The following SEMA5A variants were observed in gnomAD, a reference collection of about 807,000 sequenced individuals.
SEMA5A encodes the protein semaphorin-5A.
A neutral mutation model predicts 135.5 loss-of-function variants in SEMA5A; 55 were observed. That is an observed-to-expected ratio of 0.41 (90% confidence interval 0.33 to 0.51). SEMA5A has a LOEUF of 0.51. Among genes scored for constraint, SEMA5A ranks in the 20% least tolerant of loss-of-function variants. SEMA5A has a pLI of 0.37. For synonymous variants in SEMA5A, 580 were observed against 546.5 expected (o/e 1.06, Z -0.85); for missense variants, 1,290 against 1,419.9 (o/e 0.91, Z 1.47).
chr5:9,071,193 G>C (rs1425090083), intron 16 of SEMA5A, among the ~76,000 whole-genome samples: 1 of 152,118 alleles, frequency 6.6e-6, no homozygotes, highest in Non-Finnish European at 1.5e-5. Flanking sequence ...AGTGATAAAA[G>C]CACTCATTTA....
At chr5:9,350,830 T>C (rs1401332789) in intron 3 of SEMA5A, among the ~76,000 whole-genome samples, 1 of 152,232 alleles carries the variant, frequency 6.6e-6, no homozygotes, top group Non-Finnish European at 1.5e-5. Context: ...ATGCCTTTTA[T>C]GGGTGCTAAC....
At chr5:9,543,871 T>C (rs1299272915) in intron 1 of SEMA5A, among the ~76,000 whole-genome samples, 1 of 151,586 alleles carries the variant, frequency 6.6e-6, no homozygotes, top group Non-Finnish European at 1.5e-5. Flanking sequence ...AGAAATCTTT[T>C]GGAGGGGAAA....
chr5:9,532,880 T>A (rs759199702), intron 1 of SEMA5A, among the ~76,000 whole-genome samples: 23 of 152,292 alleles, frequency 1.5e-4, no homozygotes, highest in Admixed American at 4.6e-4. Flanking sequence ...GCCAATACAA[T>A]AAACATGTCC....
chr5:9,430,666 G>A (rs1757825463), intron 2 of SEMA5A, among the ~76,000 whole-genome samples: 1 of 152,298 alleles, frequency 6.6e-6, no homozygotes, highest in South Asian at 2.1e-4. Flanking sequence ...TAACTGTTAA[G>A]TATGATGATG....
chr5:9,181,428 C>T (rs776087901), intron 11 of SEMA5A, among the ~76,000 whole-genome samples: 10 of 152,154 alleles, frequency 6.6e-5, no homozygotes, highest in Non-Finnish European at 1.5e-4. Context: ...AGGTGCTGCC[C>T]TTAGAAACTA....
chr5:9,111,435 T>C (rs774727881), intron 15 of SEMA5A, among the ~76,000 whole-genome samples: 1 of 152,220 alleles, frequency 6.6e-6, no homozygotes, highest in Non-Finnish European at 1.5e-5. Flanking sequence ...TTTCTGTTAT[T>C]TGCTGACAGC....
intron 4 of SEMA5A, among the ~76,000 whole-genome samples, chr5:9,319,101 G>C (rs1485959805): frequency 6.6e-6 from 1 of 152,174 alleles, no homozygotes; most frequent in Non-Finnish European, 1.5e-5. Flanking sequence ...CTACTCAGGA[G>C]GCTGAGGCAG....
chr5:9,460,764 A>T (rs1759026305), intron 1 of SEMA5A, among the ~76,000 whole-genome samples: 1 of 152,220 alleles, frequency 6.6e-6, no homozygotes, highest in African/African-American at 2.4e-5. Flanking sequence ...TTTTAATGAT[A>T]GTATATGACA....
rs1737477379 is a variant in SEMA5A, at chr5:9,066,548, G to A, written c.2172C>T (p.His724=). The A allele has an allele frequency of 5.0e-6, 8 of 1,614,052 alleles. No individual in the cohort carries two copies. The highest frequency in any genetic ancestry group is 1.1e-5 in the South Asian group (1 of 91,086). The part of the protein sequence containing the change: ...TPVNISDNGG[H]YEQRFRYTCK... ...ATGTGTATCGGAATCGTTGCTCATA[G>A]TGGCCGCCGTTGTCAGAGATGTTGA... Residue 724 remains histidine (H), a synonymous_variant, in exon 17 of 23, where the codon CAC becomes CAT. Transcript: ENST00000382496.
At chr5:9,392,628 A>C (rs1418928259) in intron 2 of SEMA5A, among the ~76,000 whole-genome samples, 1 of 152,186 alleles carries the variant, frequency 6.6e-6, no homozygotes, top group Non-Finnish European at 1.5e-5. Context: ...TATGATAGTC[A>C]GTTGATGTCC....
intron 1 of SEMA5A, among the ~76,000 whole-genome samples, chr5:9,499,030 C>T (rs912318701): frequency 2.6e-5 from 4 of 152,174 alleles, no homozygotes; most frequent in South Asian, 2.1e-4. Flanking sequence ...TGTGTGTAAA[C>T]GCAAAGCAGT....
At chr5:9,391,718 A>C (rs1305405271) in intron 2 of SEMA5A, among the ~76,000 whole-genome samples, 2 of 152,214 alleles carry the variant, frequency 1.3e-5, no homozygotes, top group East Asian at 3.9e-4. Context: ...AGCAGAAGCT[A>C]TTCTAATGTG....
At chr5:9,543,836 GAAA>G (rs10535269) in intron 1 of SEMA5A, among the ~76,000 whole-genome samples, 13,873 of 144,710 alleles carry the variant, frequency 0.096, 732 homozygotes, top group Non-Finnish European at 0.13. Flanking sequence ...TATTTTTCAT[GAAA>G]AAAAAAAAAA....
rs577766805 is a variant in SEMA5A, at chr5:9,313,401, ACTTTT to A, written c.270+4966_270+4970del. 9.2e-5 allele frequency among the ~76,000 whole-genome samples: 14 copies of A among 152,216 alleles called. No individual in the cohort carries two copies. The South Asian group carries it at 2.7e-3, about 29-fold the overall frequency. On this transcript the variant is annotated intron_variant, in intron 5 of 22. Coordinates refer to ENST00000382496, the MANE Select transcript of SEMA5A (RefSeq NM_003966.3). ...TAACTCTAGCTTCTGGGTTAACGTT[ACTTTT>A]CTTTTCTTGAATTTAGGGACAAAAA...
chr5:9,250,947 T>C (rs534894132), intron 5 of SEMA5A, among the ~76,000 whole-genome samples: 2 of 152,328 alleles, frequency 1.3e-5, no homozygotes, highest in South Asian at 2.1e-4. Context: ...GCTATGGTTT[T>C]AATGCTCCAC....
In SEMA5A at chr5:9,160,468, G is replaced by A. The variant is rs79073328; in HGVS notation, c.1274-5773C>T. Among the ~76,000 whole-genome samples, 1,267 of 152,206 alleles carry A rather than the reference G, an allele frequency of 8.3e-3. 7 individuals are homozygous for A. The highest frequency in any genetic ancestry group is 0.033 in the South Asian group (157 of 4,818). On this transcript the variant is annotated intron_variant, in intron 11 of 22. Coordinates refer to ENST00000382496, the MANE Select transcript of SEMA5A (RefSeq NM_003966.3). ...AAGTTATGTGTATAATTAAATGTTG[G>A]TGTTTCTGAGAATAAGATAAAAGGA...
rs1367580925 is a variant in SEMA5A, at chr5:9,037,516, A to G, written c.*5381T>C. Reference sequence around the variant, plus strand: ...AATGCAACAGATGACCACTGAGTATATCTTTGATCTATCTGCTAAAACAAT... The same window carrying G: ...AATGCAACAGATGACCACTGAGTATGTCTTTGATCTATCTGCTAAAACAAT... On this transcript the variant is annotated 3_prime_UTR_variant, in exon 23 of 23. Coordinates refer to ENST00000382496, the MANE Select transcript of SEMA5A (RefSeq NM_003966.3). 6.6e-6 allele frequency: 1 copy of G among 152,200 alleles called. No homozygotes were observed. The highest frequency in any genetic ancestry group is 2.4e-5 in the African/African-American group (1 of 41,434). The allele number at this position is 152,200 out of a possible 1,614,324, so 9.4% of individuals were successfully genotyped here.
At chr5:9,475,160 G>T (rs1326058137) in intron 1 of SEMA5A, among the ~76,000 whole-genome samples, 1 of 152,198 alleles carries the variant, frequency 6.6e-6, no homozygotes, top group Non-Finnish European at 1.5e-5. Flanking sequence ...TCGAACTCCT[G>T]ACCTCAGGTG....
chr5:9,045,915 C>A (rs257088), intron 21 of SEMA5A: 136,061 of 152,288 alleles, frequency 0.89, 60,973 homozygotes, highest in East Asian at 0.96. Context: ...TATGTCGGAG[C>A]AAACAAAAGA....
Sources: allele counts gnomAD v4.1 joint callset (sites outside exome capture counted in the v4.1 genomes callset), GRCh38; gene constraint gnomAD v4.1.1; transcripts MANE v1.5; gene names NCBI Gene and HGNC (gene_info 2026-07-23, HGNC 2026-07-21).